The following NDST1 variants were observed in gnomAD, a reference collection of about 807,000 sequenced individuals.
NDST1 encodes bifunctional heparan sulfate N-deacetylase/N-sulfotransferase 1.
A neutral mutation model predicts 92.8 loss-of-function variants in NDST1; 35 were observed. That is an observed-to-expected ratio of 0.38 (90% confidence interval 0.29 to 0.50). The LOEUF is 0.50. Ranked by LOEUF, NDST1 falls within the 20% of genes least tolerant of loss-of-function variation. The pLI is 0.94. For synonymous variants in NDST1, 493 were observed against 500.3 expected (o/e 0.99, Z 0.19); for missense variants, 822 against 1,182.7 (o/e 0.69, Z 4.47).
intron 1 of NDST1, among the ~76,000 whole-genome samples, chr5:150,501,554 A>G (rs1423930423): frequency 1.3e-5 from 2 of 152,202 alleles, no homozygotes; most frequent in African/African-American, 4.8e-5. Context: ...TGAGTCTTGT[A>G]TCAGCCTCTA....
intron 3 of NDST1, 67 bp from the exon 4 acceptor site, chr5:150,532,878 C>T: frequency 7.0e-7 from 1 of 1,421,330 alleles, no homozygotes; most frequent in South Asian, 1.2e-5. Flanking sequence ...TTTCACTGCC[C>T]TCAGTGGGAA....
rs756229591 is a variant in NDST1 at position 150,539,238 on chromosome 5, G to A, written c.1448G>A (p.Arg483Gln). 2.5e-6 allele frequency: 4 copies of A among 1,612,914 alleles called. No individual in the cohort carries two copies. The highest frequency in any genetic ancestry group is 1.1e-5 in the South Asian group (1 of 91,038). The change falls in exon 7 of 15, where the codon CGG becomes CAG. Residue 483 changes from arginine to glutamine, a missense_variant. Coordinates refer to ENST00000261797, the MANE Select transcript of NDST1 (RefSeq NM_001543.5). ...FIHNGIMVLPRQTCGLFTHTI... is the reference protein window; with the variant it reads ...FIHNGIMVLPQQTCGLFTHTI... ...CCACCCCCTCCTCAGGTTCTCCCAC[G>A]GCAGACCTGCGGCCTCTTCACACAC...
chr5:150,503,176 C>T (rs1208303875), upstream of NDST1, among the ~76,000 whole-genome samples: 1 of 152,166 alleles, frequency 6.6e-6, no homozygotes, highest in African/African-American at 2.4e-5. Context: ...GGTGCAGTGA[C>T]TCGTGCCTGT....
At position 150,554,809 on chromosome 5, in the gene NDST1, A is replaced by T. The variant is rs1014780416; in HGVS notation, c.*1477A>T. On this transcript the variant is annotated 3_prime_UTR_variant, in exon 15 of 15. Transcript: ENST00000261797. ...CAGAACTGTCTCCAGGCCCTTGTAGACAGTGGGATCTCTGGGCTGATTTCT... is the reference window on the plus strand; with the variant it reads ...CAGAACTGTCTCCAGGCCCTTGTAGTCAGTGGGATCTCTGGGCTGATTTCT... 6.6e-6 allele frequency: 1 copy of T among 152,666 alleles called. No individual in the cohort carries two copies. The highest frequency in any genetic ancestry group is 1.5e-5 in the Non-Finnish European group (1 of 68,128). The allele number at this position is 152,666 out of a possible 1,614,324, so 9.5% of individuals were successfully genotyped here.
chr5:150,512,407 A>G (rs1272346532), intron 1 of NDST1, among the ~76,000 whole-genome samples: 5 of 152,236 alleles, frequency 3.3e-5, no homozygotes, highest in African/African-American at 9.6e-5. Flanking sequence ...CTTGGGTTCC[A>G]GAGACCTCTA....
At position 150,532,973 on chromosome 5, in the gene NDST1, G is replaced by A. The variant is rs1385484863; in HGVS notation, c.1037G>A (p.Arg346His). Residue 346 changes from arginine to histidine, a missense_variant, in exon 4 of 15, where the codon CGC becomes CAC. By Grantham distance (29) the Arg-to-His change is conservative. Coordinates refer to ENST00000261797, the MANE Select transcript of NDST1 (RefSeq NM_001543.5). The part of the protein sequence containing the change: ...KALFDTQNEL[R>H]AHIPNFTFNL... ...CTGTTTGACACACAGAACGAACTAC[G>A]CGCACACATCCCAAACTTCACCTTC... 13 of 1,613,974 alleles carry A rather than the reference G, an allele frequency of 8.1e-6. No homozygotes were observed. The highest frequency in any genetic ancestry group is 1.6e-4 in the Middle Eastern group (1 of 6,084).
chr5:150,513,799 G>A (rs1753834047), intron 1 of NDST1, among the ~76,000 whole-genome samples: 1 of 152,244 alleles, frequency 6.6e-6, no homozygotes, highest in Non-Finnish European at 1.5e-5. Flanking sequence ...CCTGTAAGAA[G>A]GCCCTTGTAC....
At chr5:150,539,900 G>A in intron 7 of NDST1, 182 bp from the exon 8 acceptor site, 1 of 793,312 alleles carries the variant, frequency 1.3e-6, no homozygotes, top group Non-Finnish European at 1.5e-6. Flanking sequence ...GGTCAGTCAG[G>A]CCTGGTTCGT....
At chr5:150,507,458 GCTTCT>G (rs1407476284), upstream of NDST1, among the ~76,000 whole-genome samples, 1 of 152,194 alleles carries the variant, frequency 6.6e-6, no homozygotes, top group Non-Finnish European at 1.5e-5. Flanking sequence ...TGGCCAAGTT[GCTTCT>G]CTTCTCTGGG....
At chr5:150,503,171 A>G (rs1266675258), upstream of NDST1, among the ~76,000 whole-genome samples, 1 of 152,166 alleles carries the variant, frequency 6.6e-6, no homozygotes, top group East Asian at 1.9e-4. Context: ...TGCCAGGTGC[A>G]GTGACTCGTG....
intron 14 of NDST1, 96 bp downstream of exon 14, chr5:150,551,951 G>T: frequency 6.5e-7 from 1 of 1,538,278 alleles, no homozygotes; most frequent in Non-Finnish European, 8.8e-7. Flanking sequence ...CATGCACTCA[G>T]CATGTTCATG....
chr5:150,534,664 C>T (rs6890511), intron 4 of NDST1, among the ~76,000 whole-genome samples: 5,276 of 152,244 alleles, frequency 0.035, 316 homozygotes, highest in African/African-American at 0.12. Flanking sequence ...GGCCAAGGTC[C>T]CCCACTGAGT....
chr5:150,502,291 G>C (rs976966131), intron 1 of NDST1, among the ~76,000 whole-genome samples: 1 of 152,144 alleles, frequency 6.6e-6, no homozygotes, highest in African/African-American at 2.4e-5. Flanking sequence ...GCAACCAGGG[G>C]TTGGTTCTGG....
chr5:150,541,500 T>C, intron 8 of NDST1, 70 bp from the exon 9 acceptor site: 1 of 1,342,376 alleles, frequency 7.4e-7, no homozygotes, highest in Non-Finnish European at 1.1e-6. Flanking sequence ...GGGCCACATA[T>C]CCATGTGCAG....
intron 11 of NDST1, among the ~76,000 whole-genome samples, chr5:150,545,992 T>A (rs1320081194): frequency 3.2e-5 from 1 of 31,298 alleles, no homozygotes; most frequent in Non-Finnish European, 7.5e-5. Context: ...CAGAGCTGTC[T>A]TTTTTTTTTT....
At chr5:150,501,172 G>C (rs1315103826) in intron 1 of NDST1, among the ~76,000 whole-genome samples, 1 of 152,218 alleles carries the variant, frequency 6.6e-6, no homozygotes, top group Non-Finnish European at 1.5e-5. Flanking sequence ...TGGGCTTCGT[G>C]CTCTTCATTC....
rs763620272 is a variant in NDST1 at position 150,539,320 on chromosome 5, C to T, written c.1530C>T (p.Asn510=). The part of the protein sequence containing the change: ...GGSSELDKII[N]GGELFLTVLL... ...CCAGTGAGCTGGACAAGATCATCAA[C>T]GGGGGCGAGCTCTTCCTCACCGTGC... The change falls in exon 7 of 15, where the codon AAC becomes AAT. Residue 510 remains asparagine, a synonymous_variant. Transcript: ENST00000261797. 3.2e-5 allele frequency: 51 copies of T among 1,614,016 alleles called. No individual in the cohort carries two copies. The highest frequency in any genetic ancestry group is 5.0e-5 in the Admixed American group (3 of 60,006).
At chr5:150,546,133 T>C (rs924329300) in intron 11 of NDST1, among the ~76,000 whole-genome samples, 8 of 151,620 alleles carry the variant, frequency 5.3e-5, no homozygotes, top group African/African-American at 1.7e-4. Context: ...AAGTAGCTGG[T>C]ATTACAGGTG....
chr5:150,519,808 G>A lies in NDST1; in HGVS notation c.-387-1060G>A, dbSNP rs1025056838. ...TGTGTTTGGGGTTGCTGTTTGGGAT[G>A]AGACAATTGGGGCCTTTGTGTCGTG... On this transcript the variant is annotated intron_variant, in intron 1 of 14. Transcript: ENST00000261797. 2.6e-5 allele frequency among the ~76,000 whole-genome samples: 4 copies of A among 152,216 alleles called. No individual in the cohort carries two copies. In the East Asian group the frequency reaches 7.7e-4, roughly 29 times the overall value.
Sources: allele counts gnomAD v4.1 joint callset (sites outside exome capture counted in the v4.1 genomes callset), GRCh38; gene constraint gnomAD v4.1.1; transcripts MANE v1.5; gene names NCBI Gene and HGNC (gene_info 2026-07-23, HGNC 2026-07-21).